ABCC1: variants seen among roughly 807,000 people sequenced by gnomAD.
ABCC1 encodes ATP binding cassette subfamily C member 1 (ABCC1 blood group).
ABCC1 carries 83 observed loss-of-function variants against 172.9 expected under a neutral mutation model. The ratio of observed to expected loss-of-function variants is 0.48; its 90% CI spans 0.40 to 0.58. ABCC1 has a LOEUF of 0.58. Ranked by LOEUF, ABCC1 falls within the 20% of genes least tolerant of loss-of-function variation. ABCC1 has a pLI of 0.00. For synonymous variants in ABCC1, 937 were observed against 825.2 expected (o/e 1.14, Z -2.32); for missense variants, 1,817 against 2,002.7 (o/e 0.91, Z 1.77).
chr16:16,043,031 T>A (rs1448359902), intron 7 of ABCC1, among the ~76,000 whole-genome samples: 1 of 151,220 alleles, frequency 6.6e-6, no homozygotes, highest in African/African-American at 2.4e-5. Context: ...CTGGCTAATT[T>A]TTTATATTTT....
chr16:15,994,819 A>G lies in ABCC1; in HGVS notation c.49-12997A>G, dbSNP rs377273469. On this transcript the variant is annotated intron_variant, in intron 1 of 30. Transcript: ENST00000399410. ...TGCTCTGTTGCCCAGGCTGGAGTGC[A>G]GTGGTGTGATTTTGACTCACTGCAA... is the stretch of plus-strand genomic sequence containing the variant. 1.2e-3 allele frequency among the ~76,000 whole-genome samples: 174 copies of G among 149,722 alleles called. 4 individuals are homozygous for G. The South Asian group carries it at 0.036, about 31-fold the overall frequency.
intron 15 of ABCC1, among the ~76,000 whole-genome samples, chr16:16,078,096 T>C (rs1241701465): frequency 6.6e-6 from 1 of 152,204 alleles, no homozygotes; most frequent in Non-Finnish European, 1.5e-5. Flanking sequence ...AGGCACAGGT[T>C]TCAGTGAGCC....
chr16:15,985,975 CT>C (rs148715605), intron 1 of ABCC1, among the ~76,000 whole-genome samples: 2 of 151,168 alleles, frequency 1.3e-5, no homozygotes, highest in African/African-American at 2.4e-5. Flanking sequence ...ATCTCCTTTA[CT>C]TTTTTTTTAT....
intron 18 of ABCC1, among the ~76,000 whole-genome samples, chr16:16,087,609 C>A (rs571741171): frequency 6.6e-6 from 1 of 152,298 alleles, no homozygotes; most frequent in African/African-American, 2.4e-5. Context: ...AGGTGCCCAC[C>A]ACCACGCCTG....
At chr16:16,095,399 A>G (rs923711731) in intron 19 of ABCC1, among the ~76,000 whole-genome samples, 4 of 152,220 alleles carry the variant, frequency 2.6e-5, no homozygotes, top group Non-Finnish European at 4.4e-5. Flanking sequence ...ACAGTTGGCA[A>G]TGTTTGGAGA....
intron 17 of ABCC1, among the ~76,000 whole-genome samples, chr16:16,085,258 A>T (rs2050963079): frequency 2.0e-5 from 3 of 151,592 alleles, no homozygotes; most frequent in Admixed American, 2.0e-4. Context: ...CCACCTCCAC[A>T]CCTTGGTCTG....
intron 29 of ABCC1, among the ~76,000 whole-genome samples, chr16:16,137,035 C>G (rs928912287): frequency 3.5e-4 from 53 of 152,174 alleles, no homozygotes; most frequent in African/African-American, 1.2e-3. Context: ...GTCCATGACC[C>G]AGCAACTAAA....
At position 16,114,980 on chromosome 16, in the gene ABCC1, G is replaced by A. The variant is rs2044791359; in HGVS notation, c.3294G>A (p.Leu1098=). The A allele has an allele frequency of 1.9e-6, 3 of 1,614,210 alleles. No individual in the cohort carries two copies. The South Asian group carries it at 3.3e-5, about 18-fold the overall frequency. ...TCATCAAGATGTTCATGGGCTCCCT[G>A]TTCAACGTCATTGGTGCCTGCATCG... The part of the protein sequence containing the change: ...PEVIKMFMGS[L]FNVIGACIVI... Residue 1098 remains leucine (L), a synonymous_variant, in exon 23 of 31, where the codon CTG becomes CTA. Transcript: ENST00000399410.
At position 16,048,048 on chromosome 16, in the gene ABCC1, C is replaced by T. The variant is rs946539306; in HGVS notation, c.1219-94C>T. 25 of 1,458,466 alleles carry T rather than the reference C, an allele frequency of 1.7e-5. 1 individual carries two copies. In the South Asian group the frequency reaches 2.7e-4, roughly 16 times the overall value. 90.3% of individuals were successfully genotyped at this position (1,458,466 alleles called of 1,614,324 possible). A position where few individuals can be genotyped will look rare whatever the true frequency, so the allele number is the denominator to read the frequency against. ...AGGAGAGATCTGCGGCATTTCTGCCCCTGAGAGTCTCCTTCCTCTCCGTGG... is the reference window on the plus strand; with the variant it reads ...AGGAGAGATCTGCGGCATTTCTGCCTCTGAGAGTCTCCTTCCTCTCCGTGG... On this transcript the variant is annotated intron_variant, in intron 9 of 30. Coordinates refer to ENST00000399410, the MANE Select transcript of ABCC1 (RefSeq NM_004996.4).
At chr16:16,111,321 G>A in intron 21 of ABCC1, 54 bp from the exon 22 acceptor site, 1 of 1,529,638 alleles carries the variant, frequency 6.5e-7, no homozygotes, top group Non-Finnish European at 9.1e-7. Context: ...TGGGGCTGGG[G>A]CTGGGGCTGG....
intron 18 of ABCC1, among the ~76,000 whole-genome samples, chr16:16,087,727 G>A (rs2051068329): frequency 6.6e-6 from 1 of 152,188 alleles, no homozygotes; most frequent in Admixed American, 6.5e-5. Context: ...CTGCAATGCT[G>A]GGATTACAGG....
intron 12 of ABCC1, among the ~76,000 whole-genome samples, chr16:16,063,038 C>T (rs2049978232): frequency 6.6e-6 from 1 of 152,180 alleles, no homozygotes; most frequent in Non-Finnish European, 1.5e-5. Context: ...CTGTAGTTCT[C>T]TGCTGATCAT....
chr16:16,130,894 G>T (rs965399989), intron 26 of ABCC1, among the ~76,000 whole-genome samples: 1 of 152,164 alleles, frequency 6.6e-6, no homozygotes, highest in African/African-American at 2.4e-5. Context: ...AGGTAGAGGT[G>T]GGTGGATCAT....
At chr16:16,065,152 G>A (rs1052422899) in intron 12 of ABCC1, among the ~76,000 whole-genome samples, 10 of 152,180 alleles carry the variant, frequency 6.6e-5, no homozygotes, top group African/African-American at 2.2e-4. Flanking sequence ...GACAGATGAC[G>A]CCAAATGAGG....
intron 23 of ABCC1, among the ~76,000 whole-genome samples, chr16:16,120,611 G>A (rs1459452868): frequency 6.6e-6 from 1 of 152,162 alleles, no homozygotes. Context: ...GCTCATGGAG[G>A]ATGGGAAGGG....
intron 10 of ABCC1, among the ~76,000 whole-genome samples, chr16:16,052,062 C>A (rs1214001075): frequency 6.6e-6 from 1 of 152,110 alleles, no homozygotes; most frequent in Non-Finnish European, 1.5e-5. Flanking sequence ...GAGACCTTGT[C>A]TCTACAAAAA....
At position 16,138,514 on chromosome 16, in the gene ABCC1, C is replaced by G. The variant is rs748654397; in HGVS notation, c.4443C>G (p.Val1481=). 13 of 1,573,826 alleles carry G rather than the reference C, an allele frequency of 8.3e-6. No individual in the cohort carries two copies. The highest frequency in any genetic ancestry group is 1.0e-5 in the Non-Finnish European group (12 of 1,157,186). The change falls in exon 30 of 31, where the codon GTC becomes GTG. Residue 1481 remains valine, a synonymous_variant. Transcript: ENST00000399410. ...GGACACAGTTCGAGGACTGCACCGTCCTCACCATCGCCCACCGGCTCAACA... is the reference window on the plus strand; with the variant it reads ...GGACACAGTTCGAGGACTGCACCGTGCTCACCATCGCCCACCGGCTCAACA... ...TIRTQFEDCT[V]LTIAHRLNTI... is the part of the protein sequence containing the mutation.
At chr16:16,086,236 C>T (rs45479595) in intron 17 of ABCC1, among the ~76,000 whole-genome samples, 58 of 152,214 alleles carry the variant, frequency 3.8e-4, no homozygotes, top group Non-Finnish European at 5.9e-4. Context: ...CAGCACCTCA[C>T]GGGAGATTCA....
At chr16:16,112,261 C>CT (rs1264569278) in intron 22 of ABCC1, among the ~76,000 whole-genome samples, 4 of 151,930 alleles carry the variant, frequency 2.6e-5, no homozygotes, top group Non-Finnish European at 5.9e-5. Flanking sequence ...ACTTGGGCAG[C>CT]TGAGGTCACA....
Sources: gnomAD v4.1 joint callset for allele counts (sites outside exome capture counted in the v4.1 genomes callset) on GRCh38, gnomAD v4.1.1 for gene constraint, MANE v1.5 for transcripts, NCBI Gene and HGNC (gene_info 2026-07-23, HGNC 2026-07-21) for gene names.